The following AGPAT3 variants were observed in gnomAD, a reference collection of about 807,000 sequenced individuals.
AGPAT3 encodes the protein 1-acylglycerol-3-phosphate O-acyltransferase 3.
A neutral mutation model predicts 47.3 loss-of-function variants in AGPAT3; 5 were observed. The ratio of observed to expected loss-of-function variants is 0.11; its 90% CI spans 0.06 to 0.22. The LOEUF (loss-of-function observed/expected upper bound fraction) is 0.22, where lower values mean the gene tolerates loss of function less well. Ranked by LOEUF, AGPAT3 falls within the 10% of genes least tolerant of loss-of-function variation. The pLI, the probability that AGPAT3 is intolerant of heterozygous loss-of-function variation, is 1.00. For synonymous variants in AGPAT3, 212 were observed against 208.3 expected, an observed-to-expected ratio of 1.02 and a Z score of -0.15; for missense variants, 315 against 493.0, an observed-to-expected ratio of 0.64 and a Z score of 3.42.
Position 43,982,526 on chromosome 21 carries a change from G to A in AGPAT3, c.*134G>A. 1.6e-6 allele frequency: 1 copy of A among 638,088 alleles called. No homozygotes were observed. The allele number at this position is 638,088 out of a possible 1,614,324, so 39.5% of individuals were successfully genotyped here. On this transcript the variant is annotated 3_prime_UTR_variant, in exon 10 of 10. Transcript: ENST00000291572. The surrounding 1 kb of genome is among the most constrained non-coding windows in gnomAD (Gnocchi z 6.2). ...CTGGTGACTAATATTAACAAAACTT[G>A]AGCCAAGAGTAAAGAATTCAGAAGG...
At chr21:43,937,681 C>T (rs575901114) in intron 2 of AGPAT3, among the ~76,000 whole-genome samples, 7 of 152,190 alleles carry the variant, frequency 4.6e-5, no homozygotes, top group South Asian at 2.1e-4. Context: ...CTCCTGCCTC[C>T]GAAAGTGCTG....
At chr21:43,899,960 T>G (rs1348019895) in intron 1 of AGPAT3, among the ~76,000 whole-genome samples, 1 of 152,188 alleles carries the variant, frequency 6.6e-6, no homozygotes, top group Non-Finnish European at 1.5e-5. Context: ...CACCGCCTTC[T>G]TTTTGCTGAT....
chr21:43,952,006 G>A lies in AGPAT3; in HGVS notation c.-48-7628G>A, dbSNP rs1038466364. ...GAAGAGGGTCACAGGGACCAGCGAC[G>A]GGGAGGAGGGTCCACATGCTGCAGC... is the stretch of plus-strand genomic sequence containing the variant. On this transcript the variant is annotated intron_variant, in intron 2 of 9. Transcript: ENST00000291572. The surrounding 1 kb of genome is among the most constrained non-coding windows in gnomAD (Gnocchi z 5.6). Among the ~76,000 whole-genome samples the A allele has an allele frequency of 2.0e-5, 3 of 152,192 alleles. No homozygotes were observed. The highest frequency in any genetic ancestry group is 7.2e-5 in the African/African-American group (3 of 41,438).
At chr21:43,949,573 C>A (rs1045109696) in intron 2 of AGPAT3, among the ~76,000 whole-genome samples, 5 of 152,192 alleles carry the variant, frequency 3.3e-5, no homozygotes, top group African/African-American at 1.2e-4. Context: ...CTGAAGTCAA[C>A]CTGGGTTCAA....
chr21:43,942,329 GC>G (rs1479468038), intron 2 of AGPAT3, among the ~76,000 whole-genome samples: 1 of 152,162 alleles, frequency 6.6e-6, no homozygotes, highest in African/African-American at 2.4e-5. Flanking sequence ...GTCCAGGGAG[GC>G]CTCGCCAGCT....
chr21:43,915,178 A>C (rs981237756), intron 2 of AGPAT3, among the ~76,000 whole-genome samples: 2 of 151,448 alleles, frequency 1.3e-5, no homozygotes, highest in African/African-American at 2.4e-5. Flanking sequence ...CAGCCTCCCG[A>C]GTAGCTGGGA....
chr21:43,946,414 A>G (rs991733639), intron 2 of AGPAT3, among the ~76,000 whole-genome samples: 1 of 152,218 alleles, frequency 6.6e-6, no homozygotes, highest in Non-Finnish European at 1.5e-5. Flanking sequence ...AGCCTGGCCA[A>G]CATGGCAAAA....
At chr21:43,980,012 G>A (rs891890491) in intron 8 of AGPAT3, among the ~76,000 whole-genome samples, 1 of 152,146 alleles carries the variant, frequency 6.6e-6, no homozygotes, top group Admixed American at 6.5e-5. Flanking sequence ...GCCAGGTGTG[G>A]TGGCTCACAT....
intron 7 of AGPAT3, among the ~76,000 whole-genome samples, chr21:43,972,692 G>A (rs2089447220): frequency 6.6e-6 from 1 of 152,204 alleles, no homozygotes; most frequent in Admixed American, 6.5e-5. Flanking sequence ...GGCTCACATA[G>A]AGGAGAAAAT....
intron 1 of AGPAT3, among the ~76,000 whole-genome samples, chr21:43,896,943 G>GTTTTTTTTTTTTTTTT (rs61657564): frequency 3.3e-4 from 14 of 42,324 alleles, no homozygotes; most frequent in African/African-American, 6.5e-4. Context: ...TTGACAGTCC[G>GTTTTTTTTTTTTTTTT]TTTTTTTTTT....
rs372079638 is a variant in AGPAT3 at position 43,982,099 on chromosome 21, T to C, written c.1043-205T>C. Among the ~76,000 whole-genome samples, 15 of 152,172 alleles carry C rather than the reference T, an allele frequency of 9.9e-5. No homozygotes were observed. In the East Asian group the frequency reaches 1.3e-3, roughly 14 times the overall value. ...CTCGGACCCAGCCGGTCAGAAGACG[T>C]GCCCCTCACCCCTGCCTGAGCAGAC... On this transcript the variant is annotated intron_variant, in intron 9 of 9. Transcript: ENST00000291572. The surrounding 1 kb of genome is among the most constrained non-coding windows in gnomAD (Gnocchi z 6.2).
At chr21:43,917,822 G>T (rs1470725805) in intron 2 of AGPAT3, among the ~76,000 whole-genome samples, 9 of 120,750 alleles carry the variant, frequency 7.5e-5, no homozygotes, top group Non-Finnish European at 1.5e-4. Context: ...TGTGGGTGTT[G>T]TGGGGGTTGT....
intron 8 of AGPAT3, 29 bp from the exon 9 acceptor site, chr21:43,980,960 G>A (rs577646235): frequency 8.3e-6 from 13 of 1,574,018 alleles, no homozygotes; most frequent in African/African-American, 8.1e-5. Context: ...GAAGCCTCAC[G>A]CTTCCTTTTT....
At chr21:43,885,909 A>G (rs1366189771) in intron 1 of AGPAT3, among the ~76,000 whole-genome samples, 1 of 152,218 alleles carries the variant, frequency 6.6e-6, no homozygotes, top group Non-Finnish European at 1.5e-5. Flanking sequence ...AGGAGCACTG[A>G]GGAGCGGGCC....
intron 3 of AGPAT3, among the ~76,000 whole-genome samples, chr21:43,960,294 A>G (rs2088767673): frequency 6.6e-6 from 1 of 152,122 alleles, no homozygotes; most frequent in Admixed American, 6.5e-5. Flanking sequence ...TATCAAACAC[A>G]TGTGTAGCTG....
At chr21:43,896,149 C>T (rs1477103646) in intron 1 of AGPAT3, among the ~76,000 whole-genome samples, 2 of 152,256 alleles carry the variant, frequency 1.3e-5, no homozygotes, top group Non-Finnish European at 2.9e-5. Flanking sequence ...AGTGATCCAC[C>T]TGCCTTGGCT....
Position 43,933,228 on chromosome 21 carries a change from G to A in AGPAT3, c.-48-26406G>A, listed in dbSNP as rs1042597623. On this transcript the variant is annotated intron_variant, in intron 2 of 9. Coordinates refer to ENST00000291572, the MANE Select transcript of AGPAT3 (RefSeq NM_020132.5). The surrounding 1 kb of genome is among the most constrained non-coding windows in gnomAD (Gnocchi z 6.0). ...GGCTCCTTCTGAGGCACAGCCGTTC[G>A]GGTCCTTTGCTGTTTGCTTTCTTGC... is the stretch of plus-strand genomic sequence containing the variant. Among the ~76,000 whole-genome samples the A allele has an allele frequency of 6.6e-6, 1 of 152,022 alleles. No individual in the cohort carries two copies. The highest frequency in any genetic ancestry group is 1.5e-5 in the Non-Finnish European group (1 of 68,010).
Position 43,957,939 on chromosome 21 carries a change from G to A in AGPAT3, c.-48-1695G>A, listed in dbSNP as rs189898563. Among the ~76,000 whole-genome samples the A allele has an allele frequency of 2.2e-4, 34 of 152,328 alleles. No individual in the cohort carries two copies. In the East Asian group the frequency reaches 6.2e-3, roughly 28 times the overall value. On this transcript the variant is annotated intron_variant, in intron 2 of 9. Coordinates refer to ENST00000291572, the MANE Select transcript of AGPAT3 (RefSeq NM_020132.5). ...TGAGACGTGCGTAGAAGGAAAGGGG[G>A]AGCCGGTGGAGCCCCTGGGGAGTCG...
chr21:43,917,895 G>T (rs1344550200), intron 2 of AGPAT3, among the ~76,000 whole-genome samples: 4 of 117,060 alleles, frequency 3.4e-5, no homozygotes, highest in Non-Finnish European at 5.2e-5. Flanking sequence ...GGGTTGTAGG[G>T]GTTGCGGGTG....
Sources: gnomAD v4.1 joint callset for allele counts (sites outside exome capture counted in the v4.1 genomes callset) on GRCh38, gnomAD v4.1.1 for gene constraint, Gnocchi (gnomAD v3.1) non-coding constraint, MANE v1.5 for transcripts, NCBI Gene and HGNC (gene_info 2026-07-23, HGNC 2026-07-21) for gene names.